The following WTIP variants were observed in gnomAD, a reference collection of about 807,000 sequenced individuals.
WTIP encodes the protein WT1 interacting protein, also known as Wilms tumor protein 1-interacting protein.
WTIP carries 23 observed loss-of-function variants against 41.7 expected under a neutral mutation model. The ratio of observed to expected loss-of-function variants is 0.55; its 90% CI spans 0.40 to 0.78. WTIP has a LOEUF of 0.78. Ranked by LOEUF, WTIP falls within the 30% of genes least tolerant of loss-of-function variation. WTIP has a pLI of 0.00. For missense variants in WTIP, 619 were observed against 610.5 expected (o/e 1.01, Z -0.15); for synonymous variants, 314 against 269.9 (o/e 1.16, Z -1.60).
intron 1 of WTIP, among the ~76,000 whole-genome samples, chr19:34,483,292 AG>A (rs2075780459): frequency 6.7e-6 from 1 of 149,474 alleles, no homozygotes; most frequent in African/African-American, 2.5e-5. Flanking sequence ...CCAAGGTGCT[AG>A]GATTACAGGC....
chr19:34,486,050 G>C (rs191516822), intron 1 of WTIP, among the ~76,000 whole-genome samples: 15 of 152,140 alleles, frequency 9.9e-5, no homozygotes, highest in African/African-American at 3.6e-4. Flanking sequence ...CAACAGCCTT[G>C]GGCTTCCGGA....
In WTIP at chr19:34,503,426, C is replaced by G. The variant is rs1460774504; in HGVS notation, c.*3157C>G. ...GGCCTCTGCTCTCCAAGCTCATTTG[C>G]CAACAGCAGTATCTCCATTTCATGC... On this transcript the variant is annotated 3_prime_UTR_variant, in exon 8 of 8. Transcript: ENST00000590071. 6.6e-6 allele frequency: 1 copy of G among 152,344 alleles called. No homozygotes were observed. Among genetic ancestry groups the G allele is most frequent in the Admixed American group, 6.5e-5 (1 of 15,286 alleles). The allele number at this position is 152,344 out of a possible 1,614,324, so 9.4% of individuals were successfully genotyped here. A position where few individuals can be genotyped will look rare whatever the true frequency, so the allele number is the denominator to read the frequency against.
chr19:34,491,780 G>T (rs189646389), intron 2 of WTIP, among the ~76,000 whole-genome samples: 1 of 151,998 alleles, frequency 6.6e-6, no homozygotes, highest in Non-Finnish European at 1.5e-5. Context: ...GAGTAGCTGG[G>T]ACTATAGGCG....
rs11084770 is a variant in WTIP, at chr19:34,509,896, C to G, written c.*9627C>G. On this transcript the variant is annotated 3_prime_UTR_variant, in exon 8 of 8. Transcript: ENST00000590071. ...AGCTCCAAAGTGATTTCCTTTGACT[C>G]CATGTCTCATATCCAAGTCACAGTG... 0.58 allele frequency: 88,495 copies of G among 152,058 alleles called. 28,300 individuals carry two copies. Among genetic ancestry groups the G allele is most frequent in the Non-Finnish European group, 0.72 (48,710 of 67,978 alleles). 9.4% of individuals were successfully genotyped at this position (152,058 alleles called of 1,614,324 possible). A position where few individuals can be genotyped will look rare whatever the true frequency, so the allele number is the denominator to read the frequency against.
At position 34,500,409 on chromosome 19, in the gene WTIP, C is replaced by T. The variant is rs1214207035; in HGVS notation, c.*140C>T. 1.5e-4 allele frequency: 183 copies of T among 1,194,086 alleles called. No homozygotes were observed. The highest frequency in any genetic ancestry group is 4.7e-5 in the Non-Finnish European group (42 of 891,682). The allele number at this position is 1,194,086 out of a possible 1,614,324, so 74.0% of individuals were successfully genotyped here. A position where few individuals can be genotyped will look rare whatever the true frequency, so the allele number is the denominator to read the frequency against. On this transcript the variant is annotated 3_prime_UTR_variant, in exon 8 of 8. Coordinates refer to ENST00000590071, the MANE Select transcript of WTIP (RefSeq NM_001080436.2). ...GCTGTCTGCAGGGGCCGGACCCCCG[C>T]GTGGAAGCTTCTATTTATTCACCGT...
In WTIP at chr19:34,482,042, T is replaced by C; in HGVS notation, c.68T>C (p.Leu23Pro). Residue 23 changes from leucine (L) to proline (P), a missense_variant, in exon 1 of 8, where the codon CTG becomes CCG. By Grantham distance (98) the Leu-to-Pro change is moderately conservative. Around this residue, in one of 3 missense-constraint regions of WTIP, gnomAD observed 363 missense variants for 309.0 expected, o/e 1.17. Transcript: ENST00000590071. ...CTGGCCGGGCTGGCCCTGCGGGAGCTGGAGCCCGGGTGCGGCTCTCCCGGT... is the reference window on the plus strand; with the variant it reads ...CTGGCCGGGCTGGCCCTGCGGGAGCCGGAGCCCGGGTGCGGCTCTCCCGGT... The part of the protein sequence containing the change: ...LLLAGLALRE[L>P]EPGCGSPGRG... 1 of 1,030,094 alleles carries C rather than the reference T, an allele frequency of 9.7e-7. No homozygotes were observed. Among genetic ancestry groups the C allele is most frequent in the Non-Finnish European group, 1.2e-6 (1 of 860,402 alleles). The allele number at this position is 1,030,094 out of a possible 1,614,324, so 63.8% of individuals were successfully genotyped here. A position where few individuals can be genotyped will look rare whatever the true frequency, so the allele number is the denominator to read the frequency against.
Position 34,508,796 on chromosome 19 carries a change from A to G in WTIP, c.*8527A>G, listed in dbSNP as rs2075922947. On this transcript the variant is annotated 3_prime_UTR_variant, in exon 8 of 8. Coordinates refer to ENST00000590071, the MANE Select transcript of WTIP (RefSeq NM_001080436.2). ...CACCCATCACCCCATCTATATTGAGATGTTATCTAGAGAGACGCCTGTAGT... is the reference window on the plus strand; with the variant it reads ...CACCCATCACCCCATCTATATTGAGGTGTTATCTAGAGAGACGCCTGTAGT... 1 of 152,138 alleles carries G rather than the reference A, an allele frequency of 6.6e-6. No individual in the cohort carries two copies. The highest frequency in any genetic ancestry group is 1.5e-5 in the Non-Finnish European group (1 of 68,036). 9.4% of individuals were successfully genotyped at this position (152,138 alleles called of 1,614,324 possible). A position where few individuals can be genotyped will look rare whatever the true frequency, so the allele number is the denominator to read the frequency against.
In WTIP at chr19:34,502,908, T is replaced by A. The variant is rs1387398372; in HGVS notation, c.*2639T>A. Reference sequence around the variant, plus strand: ...TGCAAAGCTGTCCTCTGAACTGTCCTCTCTGCTTCCTCCCTCAAACCTGCT... The same window carrying A: ...TGCAAAGCTGTCCTCTGAACTGTCCACTCTGCTTCCTCCCTCAAACCTGCT... On this transcript the variant is annotated 3_prime_UTR_variant, in exon 8 of 8. Transcript: ENST00000590071. The A allele has an allele frequency of 1.3e-5, 2 of 148,652 alleles. No homozygotes were observed. Among genetic ancestry groups the A allele is most frequent in the Admixed American group, 1.3e-4 (2 of 14,842 alleles). The allele number at this position is 148,652 out of a possible 1,614,324, so 9.2% of individuals were successfully genotyped here. A position where few individuals can be genotyped will look rare whatever the true frequency, so the allele number is the denominator to read the frequency against.
chr19:34,499,414 G>GCTACTCA, intron 7 of WTIP, among the ~76,000 whole-genome samples: 1 of 152,052 alleles, frequency 6.6e-6, no homozygotes, highest in Admixed American at 6.6e-5. Flanking sequence ...AGGCTGAGGT[G>GCTACTCA]GGAGGATCAC....
chr19:34,489,778 G>GA (rs976486625), intron 1 of WTIP, among the ~76,000 whole-genome samples: 1 of 152,034 alleles, frequency 6.6e-6, no homozygotes, highest in Non-Finnish European at 1.5e-5. Flanking sequence ...CTCTACAAAA[G>GA]AAAAAATCAG....
chr19:34,500,048 C>T, intron 7 of WTIP, 81 bp from the exon 8 acceptor site: 3 of 1,543,762 alleles, frequency 1.9e-6, no homozygotes, highest in South Asian at 2.4e-5. Context: ...CTGCCCCTCC[C>T]CTCCGTCCCT....
rs527406626 is a variant in WTIP at position 34,503,010 on chromosome 19, G to A, written c.*2741G>A. On this transcript the variant is annotated 3_prime_UTR_variant, in exon 8 of 8. Coordinates refer to ENST00000590071, the MANE Select transcript of WTIP (RefSeq NM_001080436.2). ...TTGCATGTGCCATGGTGGGCCCTGT[G>A]CTTATATCCATGGGGTTGCTTCACT... 2 of 152,462 alleles carry A rather than the reference G, an allele frequency of 1.3e-5. No individual in the cohort carries two copies. The highest frequency in any genetic ancestry group is 1.5e-5 in the Non-Finnish European group (1 of 68,148). 9.4% of individuals were successfully genotyped at this position (152,462 alleles called of 1,614,324 possible).
At position 34,501,668 on chromosome 19, in the gene WTIP, A is replaced by AAC. The variant is rs559000862; in HGVS notation, c.*1402_*1403dup. Reference sequence around the variant, plus strand: ...TGTCCAGGCCGAGCCCAAGGGAACAAACACCAGGAGGCGCCCGCAGGGAAG... The same window carrying AAC: ...TGTCCAGGCCGAGCCCAAGGGAACAAACACACCAGGAGGCGCCCGCAGGGAAG... On this transcript the variant is annotated 3_prime_UTR_variant, in exon 8 of 8. Coordinates refer to ENST00000590071, the MANE Select transcript of WTIP (RefSeq NM_001080436.2). 9.2e-5 allele frequency: 14 copies of AAC among 152,418 alleles called. No individual in the cohort carries two copies. The East Asian group carries it at 1.2e-3, about 13-fold the overall frequency. The allele number at this position is 152,418 out of a possible 1,614,324, so 9.4% of individuals were successfully genotyped here.
chr19:34,494,118 G>A lies in WTIP; in HGVS notation c.1032-468G>A, dbSNP rs541409918. ...AGAGGTCCCTGGTACTCAGGGTGAA[G>A]CCAGGTCTCACAGTGGTCCTAGCTA... On this transcript the variant is annotated intron_variant, in intron 5 of 7. Coordinates refer to ENST00000590071, the MANE Select transcript of WTIP (RefSeq NM_001080436.2). 3.9e-5 allele frequency among the ~76,000 whole-genome samples: 6 copies of A among 152,348 alleles called. No individual in the cohort carries two copies. The East Asian group carries it at 9.6e-4, about 24-fold the overall frequency.
rs932914114 is a variant in WTIP, at chr19:34,509,760, G to A, written c.*9491G>A. 4.6e-5 allele frequency: 7 copies of A among 152,192 alleles called. No homozygotes were observed. The highest frequency in any genetic ancestry group is 7.2e-5 in the African/African-American group (3 of 41,422). 9.4% of individuals were successfully genotyped at this position (152,192 alleles called of 1,614,324 possible). On this transcript the variant is annotated 3_prime_UTR_variant, in exon 8 of 8. Coordinates refer to ENST00000590071, the MANE Select transcript of WTIP (RefSeq NM_001080436.2). ...GTTAGTTACTTCCTAGATACAATGG[G>A]GGTACAGGTATTGGGTGAATACGGC...
In WTIP at chr19:34,500,502, T is replaced by G. The variant is rs2075879495; in HGVS notation, c.*233T>G. The G allele has an allele frequency of 1.7e-6, 1 of 574,936 alleles. No individual in the cohort carries two copies. The highest frequency in any genetic ancestry group is 3.1e-5 in the South Asian group (1 of 32,452). 35.6% of individuals were successfully genotyped at this position (574,936 alleles called of 1,614,324 possible). The stretch of plus-strand genomic sequence containing the variant: ...CCCACCCCATCACCAGCTTTCCACT[T>G]GGAGGCCCCCTGTGCCCTGCAGCCT... On this transcript the variant is annotated 3_prime_UTR_variant, in exon 8 of 8. Transcript: ENST00000590071.
chr19:34,487,922 C>T (rs2075805798), intron 1 of WTIP, among the ~76,000 whole-genome samples: 1 of 152,204 alleles, frequency 6.6e-6, no homozygotes, highest in South Asian at 2.1e-4. Flanking sequence ...AGGGAGTGCC[C>T]TGAGGCTAGA....
At position 34,511,794 on chromosome 19, in the gene WTIP, C is replaced by T. The variant is rs1020182806; in HGVS notation, c.*11525C>T. ...TTTGCATGCATTGGCCATGGGCTTC[C>T]CTTTTGTGAGTTGCCTGTGAATGTC... On this transcript the variant is annotated 3_prime_UTR_variant, in exon 8 of 8. Transcript: ENST00000590071. 2 of 152,088 alleles carry T rather than the reference C, an allele frequency of 1.3e-5. No homozygotes were observed. The highest frequency in any genetic ancestry group is 2.9e-5 in the Non-Finnish European group (2 of 68,026). 9.4% of individuals were successfully genotyped at this position (152,088 alleles called of 1,614,324 possible).
intron 5 of WTIP, 73 bp from the exon 6 acceptor site, chr19:34,494,513 G>C: frequency 4.7e-6 from 7 of 1,485,118 alleles, no homozygotes; most frequent in Non-Finnish European, 6.5e-6. Context: ...GGGTTCCTGT[G>C]GGTGCCCCTG....
Sources: gnomAD v4.1 joint callset for allele counts (sites outside exome capture counted in the v4.1 genomes callset) on GRCh38, gnomAD v4.1.1 for gene constraint, gnomAD v4.1.1 regional missense constraint, MANE v1.5 for transcripts, NCBI Gene and HGNC (gene_info 2026-07-23, HGNC 2026-07-21) for gene names.